The following XIAP variants were observed in gnomAD, a reference collection of about 807,000 sequenced individuals.
XIAP encodes the protein E3 ubiquitin-protein ligase XIAP.
A neutral mutation model predicts 33.1 loss-of-function variants in XIAP; 3 were observed. The ratio of observed to expected loss-of-function variants is 0.09; its 90% CI spans 0.04 to 0.23. XIAP has a LOEUF of 0.23. Among genes scored for constraint, XIAP ranks in the 10% least tolerant of loss-of-function variants. XIAP has a pLI of 1.00. For synonymous variants in XIAP, 98 were observed against 121.3 expected (o/e 0.81, Z 1.26); for missense variants, 264 against 363.0 (o/e 0.73, Z 2.22).
intron 1 of XIAP, among the ~76,000 whole-genome samples, chrX:123,867,764 C>T (rs1357444291): frequency 9.4e-6 from 1 of 106,419 alleles, no homozygotes; most frequent in East Asian, 2.9e-4. Context: ...ACCTCTGCCT[C>T]CTGGGTTTAA....
At chrX:123,899,165 A>G (rs1383134838) in intron 5 of XIAP, among the ~76,000 whole-genome samples, 1 of 32,348 alleles carries the variant, frequency 3.1e-5, no homozygotes, top group Non-Finnish European at 5.3e-5. Flanking sequence ...ATATATATAT[A>G]TGATTTTATA....
chrX:123,891,274 T>C lies in XIAP; in HGVS notation c.1014T>C (p.Tyr338=), dbSNP rs1372000975. The C allele has an allele frequency of 3.6e-6, 4 of 1,123,796 alleles. No individual in the cohort carries two copies. Among genetic ancestry groups the C allele is most frequent in the Non-Finnish European group, 1.2e-6 (1 of 823,978 alleles). 92.6% of individuals were successfully genotyped at this position (1,123,796 alleles called of 1,213,427 possible). Residue 338 remains tyrosine, a synonymous_variant, in exon 4 of 7, where the codon TAT becomes TAC. Coordinates refer to ENST00000371199, the MANE Select transcript of XIAP (RefSeq NM_001167.4). ...KYLLEQKGQE[Y]INNIHLTHSL... is the part of the protein sequence containing the mutation. ...TGTTAGAACAGAAGGGACAAGAATA[T>C]ATAAACAATATTCATTTAACTCATT...
chrX:123,900,361 T>G, intron 5 of XIAP, 132 bp from the exon 6 acceptor site: 1 of 566,635 alleles, frequency 1.8e-6, no homozygotes, highest in Non-Finnish European at 2.8e-6. Context: ...CAGCTTTGCT[T>G]TGCTGGTTTG....
At chrX:123,897,444 G>A (rs367565567) in intron 5 of XIAP, among the ~76,000 whole-genome samples, 2 of 111,935 alleles carry the variant, frequency 1.8e-5, no homozygotes, top group African/African-American at 3.2e-5. Context: ...AGGGGTCCAC[G>A]TCCTTTTTGT....
Position 123,913,486 on chromosome X carries a change from A to G in XIAP, c.*6305A>G, listed in dbSNP as rs889159743. Reference sequence around the variant, plus strand: ...CTCCCTCTCAAAAACAAAACAAAACAAAAAAATTAGACAAATGCTACATTA... The same window carrying G: ...CTCCCTCTCAAAAACAAAACAAAACGAAAAAATTAGACAAATGCTACATTA... On this transcript the variant is annotated 3_prime_UTR_variant, in exon 7 of 7. Transcript: ENST00000371199. The G allele has an allele frequency of 9.2e-6, 3 of 327,462 alleles. No individual in the cohort carries two copies. Among genetic ancestry groups the G allele is most frequent in the Admixed American group, 3.1e-5 (1 of 31,950 alleles). 27.0% of individuals were successfully genotyped at this position (327,462 alleles called of 1,213,427 possible).
rs771503633 is a variant in XIAP at position 123,889,997 on chromosome X, A to ATT, written c.978-1205_978-1204dup. On this transcript the variant is annotated intron_variant, in intron 3 of 6. Coordinates refer to ENST00000371199, the MANE Select transcript of XIAP (RefSeq NM_001167.4). ...ATCTCTATGACATACAGTTGTTCACATTTTTTTTTTTTTTTTTTTTTTTTT... is the reference window on the plus strand; with the variant it reads ...ATCTCTATGACATACAGTTGTTCACATTTTTTTTTTTTTTTTTTTTTTTTTTT... Among the ~76,000 whole-genome samples the ATT allele has an allele frequency of 2.2e-3, 74 of 33,072 alleles. 18 individuals carry two copies. The highest frequency in any genetic ancestry group is 2.6e-3 in the Admixed American group (5 of 1,925). The allele number at this position is 33,072 out of a possible 115,157, so 28.7% of individuals were successfully genotyped here.
At chrX:123,862,753 G>T (rs1459915359) in intron 1 of XIAP, among the ~76,000 whole-genome samples, 7 of 108,235 alleles carry the variant, frequency 6.5e-5, no homozygotes, top group African/African-American at 2.4e-4. Flanking sequence ...TACATGGGAG[G>T]CTGAAGCAGG....
intron 2 of XIAP, 57 bp from the exon 3 acceptor site, chrX:123,888,562 T>A (rs1009949595): frequency 1.9e-6 from 2 of 1,055,338 alleles, no homozygotes; most frequent in African/African-American, 3.7e-5. Context: ...GTTAAATGAA[T>A]ATTTTTGTGT....
At chrX:123,864,635 AGTGTGTGTGTGTGTGTGTGTGTGTGTGT>A (rs748255094) in intron 1 of XIAP, among the ~76,000 whole-genome samples, 13 of 84,672 alleles carry the variant, frequency 1.5e-4, no homozygotes, top group South Asian at 6.7e-4. Context: ...CCCGGCTTAG[AGTGTGTGTGTGTGTGTGTGTGTGTGTGT>A]GTGTGTGTGT....
chrX:123,886,604 A>T (rs2053354178), intron 2 of XIAP, 65 bp downstream of exon 2: 13 of 1,110,954 alleles, frequency 1.2e-5, no homozygotes, highest in Middle Eastern at 3.3e-4. Flanking sequence ...AAAAGTAAAT[A>T]GATGCCCTTA....
intron 4 of XIAP, among the ~76,000 whole-genome samples, chrX:123,891,751 G>T (rs975028669): frequency 9.4e-6 from 1 of 106,553 alleles, no homozygotes; most frequent in Non-Finnish European, 1.9e-5. Context: ...AGCCCAGAAG[G>T]TCAGAGGATT....
intron 1 of XIAP, chrX:123,872,813 G>A (rs1452028733): frequency 4.5e-5 from 5 of 111,434 alleles, no homozygotes; most frequent in African/African-American, 1.3e-4. Context: ...CAACCACCAT[G>A]GACATGATCT....
In XIAP at chrX:123,907,727, A is replaced by T. The variant is rs1040280730; in HGVS notation, c.*546A>T. The T allele has an allele frequency of 1.3e-5, 5 of 376,866 alleles. No individual in the cohort carries two copies. The highest frequency in any genetic ancestry group is 2.5e-5 in the Non-Finnish European group (5 of 199,976). The allele number at this position is 376,866 out of a possible 1,213,427, so 31.1% of individuals were successfully genotyped here. Reference sequence around the variant, plus strand: ...TTATAAACACGTACTTGTGCGAATTATTTTTTTAAAGTGATTTGCCATTTT... The same window carrying T: ...TTATAAACACGTACTTGTGCGAATTTTTTTTTTAAAGTGATTTGCCATTTT... On this transcript the variant is annotated 3_prime_UTR_variant, in exon 7 of 7. Transcript: ENST00000371199.
rs1013151434 is a variant in XIAP, at chrX:123,909,322, C to T, written c.*2141C>T. On this transcript the variant is annotated 3_prime_UTR_variant, in exon 7 of 7. Transcript: ENST00000371199. ...CTGGGATTACAGGCTTGAGCCACCACGCCCGGCTAAAACATTGCAAATTTA... is the reference window on the plus strand; with the variant it reads ...CTGGGATTACAGGCTTGAGCCACCATGCCCGGCTAAAACATTGCAAATTTA... 3 of 327,408 alleles carry T rather than the reference C, an allele frequency of 9.2e-6. No homozygotes were observed. The highest frequency in any genetic ancestry group is 2.7e-5 in the African/African-American group (1 of 37,538). 27.0% of individuals were successfully genotyped at this position (327,408 alleles called of 1,213,427 possible). A position where few individuals can be genotyped will look rare whatever the true frequency, so the allele number is the denominator to read the frequency against.
intron 1 of XIAP, among the ~76,000 whole-genome samples, chrX:123,861,503 T>A (rs746728069): frequency 3.6e-5 from 4 of 111,226 alleles, no homozygotes; most frequent in Non-Finnish European, 7.5e-5. Context: ...GTGTGTATAC[T>A]TGCATTTGCT....
chrX:123,894,577 C>T (rs1022457140), intron 5 of XIAP, among the ~76,000 whole-genome samples: 4 of 110,415 alleles, frequency 3.6e-5, no homozygotes, highest in East Asian at 5.7e-4. Context: ...CAGACCAGCC[C>T]GGCCAACATG....
In XIAP at chrX:123,913,937, A is replaced by G. The variant is rs934643620; in HGVS notation, c.*6756A>G. The G allele has an allele frequency of 5.5e-5, 17 of 309,414 alleles. No individual in the cohort carries two copies. The highest frequency in any genetic ancestry group is 4.3e-4 in the African/African-American group (16 of 36,909). The allele number at this position is 309,414 out of a possible 1,213,427, so 25.5% of individuals were successfully genotyped here. ...GATTAAAGCTTATTTTTCTGTGAAT[A>G]AAACGTATTCAATAAAATACTATTC... On this transcript the variant is annotated 3_prime_UTR_variant, in exon 7 of 7. Coordinates refer to ENST00000371199, the MANE Select transcript of XIAP (RefSeq NM_001167.4).
intron 1 of XIAP, among the ~76,000 whole-genome samples, chrX:123,865,124 A>T (rs1364036873): frequency 1.8e-5 from 2 of 108,760 alleles, no homozygotes; most frequent in Non-Finnish European, 3.8e-5. Flanking sequence ...TATCTCTGTG[A>T]GATAATCTGG....
rs2053618336 is a variant in XIAP, at chrX:123,912,897, T to C, written c.*5716T>C. On this transcript the variant is annotated 3_prime_UTR_variant, in exon 7 of 7. Transcript: ENST00000371199. ...TCTTGAATTTCTGACCTCAAGTGAT[T>C]CATCTCCCAAAGTGCTGGGATTACA... is the stretch of plus-strand genomic sequence containing the variant. 1 of 327,035 alleles carries C rather than the reference T, an allele frequency of 3.1e-6. No homozygotes were observed. The allele number at this position is 327,035 out of a possible 1,213,427, so 27.0% of individuals were successfully genotyped here. A position where few individuals can be genotyped will look rare whatever the true frequency, so the allele number is the denominator to read the frequency against.
Sources: allele counts gnomAD v4.1 joint callset (sites outside exome capture counted in the v4.1 genomes callset), GRCh38; gene constraint gnomAD v4.1.1; transcripts MANE v1.5; gene names NCBI Gene and HGNC (gene_info 2026-07-23, HGNC 2026-07-21).